LINC00305: variants seen among roughly 807,000 people sequenced by gnomAD.
LINC00305 encodes long independently transcribed non-coding RNA 305.
At chr18:64,096,497 T>C (rs187724018) in intron 3 of LINC00305, among the ~76,000 whole-genome samples, 236 of 151,918 alleles carry the variant, frequency 1.6e-3, no homozygotes, top group African/African-American at 5.5e-3. Flanking sequence ...TAGGTACATA[T>C]ACAGAAGTTT....
At chr18:64,143,509 A>G (rs1053823979) in intron 1 of LINC00305, among the ~76,000 whole-genome samples, 1 of 136,690 alleles carries the variant, frequency 7.3e-6, no homozygotes, top group East Asian at 2.1e-4. Flanking sequence ...ATATATGTAT[A>G]CCATCAATAT....
At chr18:64,127,136 A>G (rs1175177242) in intron 1 of LINC00305, among the ~76,000 whole-genome samples, 1 of 152,114 alleles carries the variant, frequency 6.6e-6, no homozygotes, top group East Asian at 1.9e-4. Flanking sequence ...TGTCCAAAAT[A>G]ACATCAGAAA....
At chr18:64,144,402 C>A (rs2051486793) in intron 1 of LINC00305, among the ~76,000 whole-genome samples, 1 of 152,132 alleles carries the variant, frequency 6.6e-6, no homozygotes, top group Admixed American at 6.6e-5. Flanking sequence ...CAGGAAAATG[C>A]ACTTTCCCCT....
At chr18:64,087,032 G>T (rs2051206098) in intron 3 of LINC00305, among the ~76,000 whole-genome samples, 1 of 152,068 alleles carries the variant, frequency 6.6e-6, no homozygotes. Flanking sequence ...TACTCAAAAA[G>T]AATTCTGATC....
chr18:64,116,663 C>T (rs78332431), intron 1 of LINC00305, among the ~76,000 whole-genome samples: 6,744 of 152,190 alleles, frequency 0.044, 198 homozygotes, highest in East Asian at 0.11. Context: ...CACATGCAGA[C>T]ATTGTGAGAG....
rs1159216213 is a variant in LINC00305 at position 64,083,341 on chromosome 18, C to A, written n.541-2939G>T. Among the ~76,000 whole-genome samples, 3 of 152,114 alleles carry A rather than the reference C, an allele frequency of 2.0e-5. No individual in the cohort carries two copies. In the South Asian group the frequency reaches 6.2e-4, roughly 32 times the overall value. On this transcript the variant is annotated intron_variant and non_coding_transcript_variant, in intron 3 of 3. Transcript: ENST00000666468. ...CTCTTCAAAAACCTCACCGCGATAC[C>A]CCATTGTTCCCACTGACTATAATTC...
intron 1 of LINC00305, among the ~76,000 whole-genome samples, chr18:64,104,923 G>A (rs2051283380): frequency 6.6e-6 from 1 of 151,926 alleles, no homozygotes; most frequent in Non-Finnish European, 1.5e-5. Context: ...TTCTATTCTC[G>A]GTGGTGGGGG....
intron 1 of LINC00305, among the ~76,000 whole-genome samples, chr18:64,118,821 GGTCTGTGT>G (rs1470510936): frequency 8.3e-4 from 101 of 121,548 alleles, no homozygotes; most frequent in Non-Finnish European, 1.6e-3. Context: ...AGACCCTGGG[GGTCTGTGT>G]GTGTGTGTGT....
chr18:64,101,518 C>T (rs961802409), intron 1 of LINC00305, among the ~76,000 whole-genome samples: 1 of 152,198 alleles, frequency 6.6e-6, no homozygotes, highest in East Asian at 1.9e-4. Context: ...TTCTCTGTGT[C>T]TCTGTCTTCA....
chr18:64,110,672 C>T (rs1272571607), intron 1 of LINC00305, among the ~76,000 whole-genome samples: 1 of 152,008 alleles, frequency 6.6e-6, no homozygotes, highest in African/African-American at 2.4e-5. Flanking sequence ...TATCTGTGTC[C>T]ATATTTTAGA....
intron 1 of LINC00305, among the ~76,000 whole-genome samples, chr18:64,109,972 T>C (rs1411554991): frequency 6.6e-6 from 1 of 152,214 alleles, no homozygotes; most frequent in Non-Finnish European, 1.5e-5. Flanking sequence ...TGAGTTTTTT[T>C]CTGCAATTTT....
intron 1 of LINC00305, among the ~76,000 whole-genome samples, chr18:64,142,872 A>T (rs2051470980): frequency 6.6e-6 from 1 of 152,208 alleles, no homozygotes; most frequent in Non-Finnish European, 1.5e-5. Context: ...GAATAACGCC[A>T]ATCACTCAGA....
chr18:64,143,921 T>C (rs1204480692), intron 1 of LINC00305, among the ~76,000 whole-genome samples: 2 of 152,054 alleles, frequency 1.3e-5, no homozygotes, highest in Admixed American at 6.6e-5. Context: ...AATTCAAACA[T>C]GCCAGAAATT....
chr18:64,104,551 A>G (rs2051281765), intron 1 of LINC00305, among the ~76,000 whole-genome samples: 1 of 152,190 alleles, frequency 6.6e-6, no homozygotes, highest in Admixed American at 6.5e-5. Context: ...GATTTTGACA[A>G]TGACAGGGGA....
chr18:64,136,683 G>A (rs1462713205), intron 1 of LINC00305, among the ~76,000 whole-genome samples: 1 of 152,180 alleles, frequency 6.6e-6, no homozygotes, highest in African/African-American at 2.4e-5. Context: ...ATAGTCTGTG[G>A]AACACAGAGT....
intron 1 of LINC00305, among the ~76,000 whole-genome samples, chr18:64,127,708 C>A (rs1265480316): frequency 6.6e-6 from 1 of 152,044 alleles, no homozygotes; most frequent in African/African-American, 2.4e-5. Context: ...GGAAGCCAGC[C>A]CAATGGACCC....
In LINC00305 at chr18:64,134,043, A is replaced by G. The variant is rs560308157; in HGVS notation, n.314+14732T>C. On this transcript the variant is annotated intron_variant and non_coding_transcript_variant, in intron 1 of 3. Coordinates refer to ENST00000666468, the Ensembl canonical transcript of LINC00305. ...AAATATAGTTTTTAAGGTATTAAAC[A>G]TCGGAGGGGCTTCAGACAAAAAGAT... 6.6e-5 allele frequency among the ~76,000 whole-genome samples: 10 copies of G among 152,364 alleles called. No individual in the cohort carries two copies. In the South Asian group the frequency reaches 1.9e-3, roughly 28 times the overall value.
At chr18:64,121,686 C>A (rs1372210332) in intron 1 of LINC00305, among the ~76,000 whole-genome samples, 1 of 152,020 alleles carries the variant, frequency 6.6e-6, no homozygotes, top group Non-Finnish European at 1.5e-5. Context: ...ACAATGATTT[C>A]TTTTCCTGTG....
chr18:64,137,575 G>A (rs749479138), intron 1 of LINC00305, among the ~76,000 whole-genome samples: 3 of 152,176 alleles, frequency 2.0e-5, no homozygotes, highest in Non-Finnish European at 4.4e-5. Flanking sequence ...CAAAAGTAAA[G>A]TGTTGCACCA....
Sources: allele counts gnomAD v4.1 joint callset (sites outside exome capture counted in the v4.1 genomes callset), GRCh38; gene constraint gnomAD v4.1.1; transcripts MANE v1.5; gene names NCBI Gene and HGNC (gene_info 2026-07-23, HGNC 2026-07-21).